The following MIB1 variants were observed in gnomAD, a reference collection of about 807,000 sequenced individuals.
The protein encoded by MIB1 is MIB E3 ubiquitin protein ligase 1.
A neutral mutation model predicts 124.5 loss-of-function variants in MIB1; 278 were observed. That is an observed-to-expected ratio of 2.23 (90% CI 2.02 to 2.47). MIB1 has a LOEUF of 2.47. Ranked by LOEUF, MIB1 falls within the 30% of genes most tolerant of loss-of-function variation. The pLI, the probability that MIB1 is intolerant of heterozygous loss-of-function variation, is 0.00. For synonymous variants in MIB1, 446 were observed against 429.4 expected, an observed-to-expected ratio of 1.04 and a Z score of -0.48; for missense variants, 957 against 1,254.4, an observed-to-expected ratio of 0.76 and a Z score of 3.58.
Position 21,815,515 on chromosome 18 carries a change from C to T in MIB1, c.1480-101C>T, listed in dbSNP as rs1344598684. 18 of 1,032,350 alleles carry T rather than the reference C, an allele frequency of 1.7e-5. No homozygotes were observed. The South Asian group carries it at 2.5e-4, about 14-fold the overall frequency. The allele number at this position is 1,032,350 out of a possible 1,614,324, so 63.9% of individuals were successfully genotyped here. A position where few individuals can be genotyped will look rare whatever the true frequency, so the allele number is the denominator to read the frequency against. On this transcript the variant is annotated intron_variant, in intron 10 of 20. Transcript: ENST00000261537. ...AGTTATTTTGTTGTTTCCTACATTG[C>T]CTTTTCTCAAATTAATCTGCTTCTT...
intron 10 of MIB1, among the ~76,000 whole-genome samples, chr18:21,815,121 A>G (rs971531987): frequency 6.9e-6 from 1 of 145,824 alleles, no homozygotes; most frequent in Non-Finnish European, 1.5e-5. Context: ...ATCTAAGTTT[A>G]TCATTTATCT....
At chr18:21,831,152 C>T (rs1406322481) in intron 12 of MIB1, 5 of 151,180 alleles carry the variant, frequency 3.3e-5, no homozygotes, top group Non-Finnish European at 7.4e-5. Context: ...ACCTTACTCC[C>T]CCCAAATAAC....
At chr18:21,711,435 C>G (rs1181925508) in intron 1 of MIB1, among the ~76,000 whole-genome samples, 1 of 151,964 alleles carries the variant, frequency 6.6e-6, no homozygotes, top group African/African-American at 2.4e-5. Flanking sequence ...GTGCCTGCCA[C>G]TACGCCCGGC....
intron 11 of MIB1, among the ~76,000 whole-genome samples, chr18:21,817,392 TGGGATTACC>T (rs1319414320): frequency 4.6e-5 from 7 of 152,086 alleles, no homozygotes. Context: ...CCCAAAGTCC[TGGGATTACC>T]GGTGTGAGCC....
At chr18:21,803,160 T>C (rs993907537) in intron 9 of MIB1, among the ~76,000 whole-genome samples, 3 of 152,260 alleles carry the variant, frequency 2.0e-5, no homozygotes, top group Non-Finnish European at 4.4e-5. Context: ...ATGTTCTCCC[T>C]TTATCTTTAT....
In MIB1 at chr18:21,815,722, G is replaced by A; in HGVS notation, c.1586G>A (p.Arg529His). Residue 529 changes from arginine to histidine, a missense_variant, in exon 11 of 21, where the codon CGC (arginine) becomes CAC (histidine). Transcript: ENST00000261537. ...GCTGATTTGAATGCTCGAAACAAGC[G>A]CCGACAGACACCACTTCATATTGCT... ...GSADLNARNKRRQTPLHIAVN... is the reference protein window; with the variant it reads ...GSADLNARNKHRQTPLHIAVN... 4 of 1,614,074 alleles carry A rather than the reference G, an allele frequency of 2.5e-6. No individual in the cohort carries two copies. The South Asian group carries it at 4.4e-5, about 18-fold the overall frequency.
At chr18:21,860,471 A>G (rs2042267590) in intron 20 of MIB1, among the ~76,000 whole-genome samples, 1 of 152,148 alleles carries the variant, frequency 6.6e-6, no homozygotes, top group African/African-American at 2.4e-5. Flanking sequence ...AAAAGCAACA[A>G]TAAGATAAAA....
Position 21,866,485 on chromosome 18 carries a change from C to A in MIB1, c.*1819C>A, listed in dbSNP as rs2042322624. ...TCACATAAAGAGACAGACAGACTAT[C>A]ATGTTGCAGACATGAAAACAGCATG... On this transcript the variant is annotated 3_prime_UTR_variant, in exon 21 of 21. Coordinates refer to ENST00000261537, the MANE Select transcript of MIB1 (RefSeq NM_020774.4). 6.6e-6 allele frequency: 1 copy of A among 152,188 alleles called. No individual in the cohort carries two copies. Among genetic ancestry groups the A allele is most frequent in the African/African-American group, 2.4e-5 (1 of 41,434 alleles). The allele number at this position is 152,188 out of a possible 1,614,324, so 9.4% of individuals were successfully genotyped here.
chr18:21,840,408 CA>C (rs1238784652), intron 13 of MIB1, among the ~76,000 whole-genome samples: 1 of 151,644 alleles, frequency 6.6e-6, no homozygotes, highest in East Asian at 1.9e-4. Context: ...ATACCAAAAA[CA>C]AAAAAACCCA....
intron 1 of MIB1, among the ~76,000 whole-genome samples, chr18:21,748,517 C>T (rs1214789058): frequency 2.6e-5 from 4 of 151,426 alleles, no homozygotes; most frequent in Non-Finnish European, 5.9e-5. Flanking sequence ...GCAACCTCTG[C>T]CTCCTGGGCT....
At chr18:21,839,005 C>T (rs1164440969) in intron 13 of MIB1, among the ~76,000 whole-genome samples, 1 of 152,104 alleles carries the variant, frequency 6.6e-6, no homozygotes, top group Non-Finnish European at 1.5e-5. Flanking sequence ...GATGACACTA[C>T]GTTTTTATGA....
Position 21,733,937 on chromosome 18 carries a change from T to C in MIB1, n.167+28814T>C, listed in dbSNP as rs565774686. ...TCAGGCTGGTCTCGAACTCCTGACCTCAGATGGGCCCATCTCATCCTTTCT... is the reference window on the plus strand; with the variant it reads ...TCAGGCTGGTCTCGAACTCCTGACCCCAGATGGGCCCATCTCATCCTTTCT... On this transcript the variant is annotated intron_variant and non_coding_transcript_variant, in intron 1 of 20. Transcript: ENST00000578646. 2.6e-5 allele frequency among the ~76,000 whole-genome samples: 4 copies of C among 152,262 alleles called. No homozygotes were observed. In the East Asian group the frequency reaches 5.8e-4, roughly 22 times the overall value.
chr18:21,721,904 T>C (rs916039785), intron 1 of MIB1, among the ~76,000 whole-genome samples: 5 of 152,222 alleles, frequency 3.3e-5, no homozygotes, highest in Non-Finnish European at 7.3e-5. Flanking sequence ...CTAACACTGA[T>C]ACATTACTAT....
chr18:21,757,541 G>C (rs1193476758), intron 1 of MIB1, among the ~76,000 whole-genome samples: 1 of 135,940 alleles, frequency 7.4e-6, no homozygotes, highest in Non-Finnish European at 1.5e-5. Context: ...CTGGAGTGCA[G>C]TTGTGCGATC....
intron 5 of MIB1, among the ~76,000 whole-genome samples, chr18:21,778,793 A>T (rs982306402): frequency 6.6e-6 from 1 of 151,068 alleles, no homozygotes; most frequent in African/African-American, 2.4e-5. Flanking sequence ...GTATACCTTA[A>T]TTTTTTTTTA....
chr18:21,779,973 A>G (rs1020485522), intron 6 of MIB1, among the ~76,000 whole-genome samples: 9 of 152,010 alleles, frequency 5.9e-5, no homozygotes, highest in Non-Finnish European at 1.0e-4. Flanking sequence ...AGGAGAATAC[A>G]TTATATCACT....
intron 1 of MIB1, among the ~76,000 whole-genome samples, chr18:21,729,678 C>A (rs1448789115): frequency 1.3e-5 from 2 of 152,044 alleles, no homozygotes; most frequent in African/African-American, 4.8e-5. Flanking sequence ...TTAGTTGAGA[C>A]AGGATTTTGC....
chr18:21,782,337 G>A (rs550726164), intron 6 of MIB1, among the ~76,000 whole-genome samples: 77 of 152,164 alleles, frequency 5.1e-4, no homozygotes, highest in African/African-American at 1.7e-3. Context: ...TGGTCAGGCT[G>A]GTCTTGAACT....
intron 11 of MIB1, among the ~76,000 whole-genome samples, 194 bp downstream of exon 11, chr18:21,816,007 A>G (rs912159894): frequency 1.3e-5 from 2 of 152,186 alleles, no homozygotes; most frequent in African/African-American, 4.8e-5. Context: ...GAAAATGCCA[A>G]TAGATTGGGT....
Sources: allele counts gnomAD v4.1 joint callset (sites outside exome capture counted in the v4.1 genomes callset), GRCh38; gene constraint gnomAD v4.1.1; transcripts MANE v1.5; gene names NCBI Gene and HGNC (gene_info 2026-07-23, HGNC 2026-07-21).